ASAP1: variants seen among roughly 807,000 people sequenced by gnomAD.
The protein encoded by ASAP1 is ArfGAP with SH3 domain, ankyrin repeat and PH domain 1.
Under a neutral mutation model 145.2 loss-of-function variants are expected in ASAP1, and 43 were observed. The observed-to-expected ratio is 0.30, with a 90% CI of 0.23 to 0.38. ASAP1 has a LOEUF of 0.38. Ranked by LOEUF, ASAP1 falls within the 10% of genes least tolerant of loss-of-function variation. The probability of loss-of-function intolerance (pLI) is 1.00; values close to 1 mark genes in which losing one functional copy is unlikely to be tolerated. For missense variants in ASAP1, 1,018 were observed against 1,355.3 expected (o/e 0.75, Z 3.91); for synonymous variants, 546 against 515.5 (o/e 1.06, Z -0.80).
Position 130,167,498 on chromosome 8 carries a change from A to G in ASAP1, c.909+38T>C, listed in dbSNP as rs768041149. 1.4e-5 allele frequency: 22 copies of G among 1,532,894 alleles called. No homozygotes were observed. The South Asian group carries it at 2.3e-4, about 16-fold the overall frequency. 95.0% of individuals were successfully genotyped at this position (1,532,894 alleles called of 1,614,324 possible). On this transcript the variant is annotated intron_variant, in intron 11 of 29. Transcript: ENST00000518721. ...AAGGGTATTACAAGCAGCCTTACCT[A>G]CACTGTTAGCCCTGTTGTAAACATG...
At chr8:130,273,016 C>G (rs181194168) in intron 3 of ASAP1, among the ~76,000 whole-genome samples, 1 of 152,290 alleles carries the variant, frequency 6.6e-6, no homozygotes, top group Admixed American at 6.5e-5. Flanking sequence ...TCCCAACACA[C>G]AGAAATGACA....
intron 5 of ASAP1, among the ~76,000 whole-genome samples, chr8:130,189,004 T>G (rs1403246006): frequency 6.6e-6 from 1 of 152,166 alleles, no homozygotes; most frequent in African/African-American, 2.4e-5. Flanking sequence ...GTTTGGATTT[T>G]TTTTTGCTCA....
At chr8:130,059,279 T>C (rs555978156) in intron 28 of ASAP1, among the ~76,000 whole-genome samples, 2 of 152,168 alleles carry the variant, frequency 1.3e-5, no homozygotes, top group East Asian at 1.9e-4. Flanking sequence ...TCTTCCCGCC[T>C]TAGCCTCCCA....
chr8:130,328,883 G>A (rs1462295683), intron 3 of ASAP1, among the ~76,000 whole-genome samples: 4 of 152,076 alleles, frequency 2.6e-5, no homozygotes, highest in Non-Finnish European at 5.9e-5. Flanking sequence ...TCCTACCTCA[G>A]CCTCCCAAAG....
At chr8:130,385,658 C>G (rs770150734) in intron 2 of ASAP1, among the ~76,000 whole-genome samples, 1 of 152,194 alleles carries the variant, frequency 6.6e-6, no homozygotes, top group Non-Finnish European at 1.5e-5. Context: ...GGTGTGTCCA[C>G]GAGTGGAGGG....
chr8:130,300,180 A>AGCGAGC (rs796087046), intron 3 of ASAP1, among the ~76,000 whole-genome samples: 4 of 142,556 alleles, frequency 2.8e-5, no homozygotes, highest in Middle Eastern at 3.5e-3. Context: ...AGAGAGAGAG[A>AGCGAGC]GAGAGAGCGA....
At chr8:130,436,829 G>C (rs1008889305) in intron 1 of ASAP1, among the ~76,000 whole-genome samples, 13 of 151,852 alleles carry the variant, frequency 8.6e-5, no homozygotes, top group African/African-American at 2.7e-4. Context: ...AAAAAATTAG[G>C]CTGGGAGTGG....
At chr8:130,230,342 A>G (rs909142431) in intron 4 of ASAP1, among the ~76,000 whole-genome samples, 1 of 152,202 alleles carries the variant, frequency 6.6e-6, no homozygotes. Flanking sequence ...ATGTGAGCCA[A>G]TAACTAGGAT....
At chr8:130,364,329 T>C (rs1400082319) in intron 2 of ASAP1, among the ~76,000 whole-genome samples, 1 of 152,236 alleles carries the variant, frequency 6.6e-6, no homozygotes, top group African/African-American at 2.4e-5. Context: ...TAATTGTGCT[T>C]AGTATTATGC....
chr8:130,116,928 G>A lies in ASAP1; in HGVS notation c.1948C>T (p.Pro650Ser). Residue 650 changes from proline (P) to serine (S), a missense_variant, in exon 21 of 30, where the codon CCT (proline) becomes TCT (serine). By Grantham distance (74) the Pro-to-Ser change is moderately conservative. This residue lies in a region of ASAP1 where 353 missense variants were observed against 375.4 expected (regional missense o/e 0.94). Transcript: ENST00000518721. ...CTGAGCAAAAGCTTCAAACACTCAG[G>A]TTTACTGTACATACTACAGTAGTGT... Reference protein sequence around the residue: ...VLHYCSMYSKPECLKLLLRSK... With the variant: ...VLHYCSMYSKSECLKLLLRSK... The A allele has an allele frequency of 6.2e-7, 1 of 1,613,972 alleles. No individual in the cohort carries two copies. The highest frequency in any genetic ancestry group is 8.5e-7 in the Non-Finnish European group (1 of 1,179,936).
intron 4 of ASAP1, among the ~76,000 whole-genome samples, chr8:130,226,517 T>C (rs1256122368): frequency 1.3e-5 from 2 of 152,310 alleles, no homozygotes; most frequent in East Asian, 1.9e-4. Flanking sequence ...CTTTCCTCCA[T>C]GCCACTTTGG....
chr8:130,420,049 G>T (rs1396034368), intron 1 of ASAP1, among the ~76,000 whole-genome samples: 2 of 151,276 alleles, frequency 1.3e-5, no homozygotes, highest in Admixed American at 1.3e-4. Flanking sequence ...TCTCTGCTCC[G>T]CAAAGTGCTG....
intron 2 of ASAP1, among the ~76,000 whole-genome samples, chr8:130,383,484 G>A (rs1436247737): frequency 6.6e-6 from 1 of 152,202 alleles, no homozygotes; most frequent in Non-Finnish European, 1.5e-5. Flanking sequence ...ACCAGGCACA[G>A]TGCAGAGGAC....
chr8:130,092,240 A>G (rs1377243870), intron 24 of ASAP1, 97 bp from the exon 25 acceptor site: 1 of 1,330,998 alleles, frequency 7.5e-7, no homozygotes, highest in Non-Finnish European at 1.0e-6. Flanking sequence ...AGAATGTGGT[A>G]TGACACACAG....
intron 1 of ASAP1, among the ~76,000 whole-genome samples, chr8:130,415,545 T>C (rs901348204): frequency 6.6e-6 from 1 of 151,974 alleles, no homozygotes; most frequent in African/African-American, 2.4e-5. Context: ...CCCAGCACTT[T>C]GGGAGGCTGA....
intron 3 of ASAP1, among the ~76,000 whole-genome samples, chr8:130,323,726 T>A (rs1049655366): frequency 6.6e-6 from 1 of 152,168 alleles, no homozygotes; most frequent in Non-Finnish European, 1.5e-5. Context: ...ATATTAAAAT[T>A]AGGCATACTA....
intron 3 of ASAP1, among the ~76,000 whole-genome samples, chr8:130,336,882 A>T (rs917251412): frequency 2.0e-5 from 3 of 152,212 alleles, no homozygotes; most frequent in African/African-American, 4.8e-5. Context: ...TACTTCTCCC[A>T]AACAGCTCCA....
At chr8:130,301,790 T>C (rs139795768) in intron 3 of ASAP1, among the ~76,000 whole-genome samples, 11 of 152,382 alleles carry the variant, frequency 7.2e-5, no homozygotes, top group African/African-American at 2.2e-4. Context: ...TGTCAACAGA[T>C]ATGCATATGC....
At chr8:130,403,758 C>T (rs569813580) in intron 1 of ASAP1, among the ~76,000 whole-genome samples, 3 of 151,860 alleles carry the variant, frequency 2.0e-5, no homozygotes, top group Admixed American at 1.3e-4. Flanking sequence ...TTCGCCATGT[C>T]GAGCAGGCTG....
Sources: gnomAD v4.1 joint callset for allele counts (sites outside exome capture counted in the v4.1 genomes callset) on GRCh38, gnomAD v4.1.1 for gene constraint, gnomAD v4.1.1 regional missense constraint, MANE v1.5 for transcripts, NCBI Gene and HGNC (gene_info 2026-07-23, HGNC 2026-07-21) for gene names.